The following RAP1B variants were observed in gnomAD, a reference collection of about 807,000 sequenced individuals.
RAP1B encodes the protein ras-related protein Rap-1b.
Under a neutral mutation model 27.5 loss-of-function variants are expected in RAP1B, and 1 was observed. That is an observed-to-expected ratio of 0.04 (90% CI 0.01 to 0.17). The LOEUF (loss-of-function observed/expected upper bound fraction) is 0.17. RAP1B is among the 10% of genes least tolerant of loss of function. The pLI is 1.00. For missense variants in RAP1B, 84 were observed against 214.8 expected (o/e 0.39, Z 3.81); for synonymous variants, 75 against 73.1 (o/e 1.03, Z -0.13).
At chr12:68,617,180 C>T (rs189295957) in intron 1 of RAP1B, among the ~76,000 whole-genome samples, 142 of 152,256 alleles carry the variant, frequency 9.3e-4, no homozygotes, top group African/African-American at 3.3e-3. Context: ...GAAAGGGTAT[C>T]AATAAAATAA....
In RAP1B at chr12:68,662,933, G is replaced by A. The variant is rs1266565919; in HGVS notation, c.*3684G>A. On this transcript the variant is annotated 3_prime_UTR_variant, in exon 8 of 8. Transcript: ENST00000250559. ...TTGATCCCAGGAGATCAAGGATACAGTGAACTGTGTTCGCGCCACTGCACC... is the reference window on the plus strand; with the variant it reads ...TTGATCCCAGGAGATCAAGGATACAATGAACTGTGTTCGCGCCACTGCACC... 2.0e-5 allele frequency: 3 copies of A among 152,078 alleles called. No individual in the cohort carries two copies. Among genetic ancestry groups the A allele is most frequent in the African/African-American group, 7.2e-5 (3 of 41,382 alleles). The allele number at this position is 152,078 out of a possible 1,614,324, so 9.4% of individuals were successfully genotyped here. A position where few individuals can be genotyped will look rare whatever the true frequency, so the allele number is the denominator to read the frequency against.
At chr12:68,651,949 T>A in intron 3 of RAP1B, 46 bp from the exon 4 acceptor site, 1 of 1,500,508 alleles carries the variant, frequency 6.7e-7, no homozygotes, top group Non-Finnish European at 9.3e-7. Flanking sequence ...TAAGGTAGTT[T>A]TATGTACATT....
chr12:68,637,532 G>C (rs563966338), intron 1 of RAP1B, among the ~76,000 whole-genome samples: 51 of 145,066 alleles, frequency 3.5e-4, no homozygotes, highest in African/African-American at 1.3e-3. Context: ...GGGAGGCTGA[G>C]GTTGCAGTGA....
intron 3 of RAP1B, 52 bp from the exon 4 acceptor site, chr12:68,651,943 G>A: frequency 1.4e-6 from 2 of 1,401,260 alleles, no homozygotes; most frequent in Admixed American, 1.7e-5. Context: ...GTATATTAAG[G>A]TAGTTTTATG....
intron 1 of RAP1B, among the ~76,000 whole-genome samples, chr12:68,634,808 T>G (rs562768207): frequency 2.0e-5 from 3 of 152,318 alleles, no homozygotes; most frequent in African/African-American, 7.2e-5. Context: ...AAAGCTAACC[T>G]TACGTTGCAT....
rs1005102650 is a variant in RAP1B at position 68,669,188 on chromosome 12, A to G, written c.*9939A>G. The G allele has an allele frequency of 3.9e-4, 60 of 152,340 alleles. No individual in the cohort carries two copies. The highest frequency in any genetic ancestry group is 1.3e-3 in the African/African-American group (55 of 41,580). The allele number at this position is 152,340 out of a possible 1,614,324, so 9.4% of individuals were successfully genotyped here. ...AGTTGATATAGTAAACACGACAGAT[A>G]AAAACTAAATGCCTTAAGGTATAAG... On this transcript the variant is annotated 3_prime_UTR_variant, in exon 8 of 8. Transcript: ENST00000250559.
At chr12:68,632,110 T>G (rs1241746453) in intron 1 of RAP1B, among the ~76,000 whole-genome samples, 2 of 150,742 alleles carry the variant, frequency 1.3e-5, no homozygotes, top group East Asian at 1.9e-4. Context: ...AAGGAAACAG[T>G]TTTTTGGGTT....
intron 4 of RAP1B, 137 bp from the exon 5 acceptor site, chr12:68,653,975 T>C: frequency 1.3e-6 from 1 of 774,538 alleles, no homozygotes; most frequent in Non-Finnish European, 2.0e-6. Flanking sequence ...AATAGTATCT[T>C]GTCATAGATT....
rs1874550938 is a variant in RAP1B at position 68,660,757 on chromosome 12, A to G, written c.*1508A>G. On this transcript the variant is annotated 3_prime_UTR_variant, in exon 8 of 8. Coordinates refer to ENST00000250559, the MANE Select transcript of RAP1B (RefSeq NM_001010942.3). ...ACTTTTCCTTGAGAAATAATTTTGT[A>G]AATCAAGCAGTATTACTTACGAATA... The G allele has an allele frequency of 6.6e-6, 1 of 152,204 alleles. No individual in the cohort carries two copies. The highest frequency in any genetic ancestry group is 2.4e-5 in the African/African-American group (1 of 41,460). 9.4% of individuals were successfully genotyped at this position (152,204 alleles called of 1,614,324 possible).
intron 1 of RAP1B, chr12:68,624,550 A>C (rs1738164748): frequency 6.6e-6 from 1 of 152,232 alleles, no homozygotes; most frequent in South Asian, 2.1e-4. Context: ...GCACTTTGGG[A>C]GGCCAAGGCA....
rs1165029376 is a variant in RAP1B, at chr12:68,659,773, AAC to A, written c.*528_*529del. On this transcript the variant is annotated 3_prime_UTR_variant, in exon 8 of 8. Coordinates refer to ENST00000250559, the MANE Select transcript of RAP1B (RefSeq NM_001010942.3). ...ATTGTACAAAATAAGCGCTTTGATT[AAC>A]ACAGCTATATAGTTTTTTTAATTTT... is the stretch of plus-strand genomic sequence containing the variant. The A allele has an allele frequency of 6.6e-6, 1 of 152,610 alleles. No individual in the cohort carries two copies. The highest frequency in any genetic ancestry group is 1.5e-5 in the Non-Finnish European group (1 of 68,078). The allele number at this position is 152,610 out of a possible 1,614,324, so 9.5% of individuals were successfully genotyped here.
intron 1 of RAP1B, among the ~76,000 whole-genome samples, chr12:68,614,680 G>T (rs1286122954): frequency 6.6e-6 from 1 of 152,198 alleles, no homozygotes; most frequent in African/African-American, 2.4e-5. Context: ...AAATTGAATT[G>T]AATTTTAGAA....
chr12:68,650,303 G>T, intron 2 of RAP1B, 97 bp from the exon 3 acceptor site: 25 of 1,055,158 alleles, frequency 2.4e-5, no homozygotes, highest in Admixed American at 4.2e-5. Flanking sequence ...TTTCATTGAT[G>T]GTGTAACTCC....
chr12:68,662,008 C>CTATATATATATATATATATA lies in RAP1B; in HGVS notation c.*2765_*2784dup, dbSNP rs63676662. 72 of 133,874 alleles carry CTATATATATATATATATATA rather than the reference C, an allele frequency of 5.4e-4. No individual in the cohort carries two copies. The highest frequency in any genetic ancestry group is 9.3e-4 in the Non-Finnish European group (59 of 63,372). The allele number at this position is 133,874 out of a possible 1,614,324, so 8.3% of individuals were successfully genotyped here. A position where few individuals can be genotyped will look rare whatever the true frequency, so the allele number is the denominator to read the frequency against. On this transcript the variant is annotated 3_prime_UTR_variant, in exon 8 of 8. Coordinates refer to ENST00000250559, the MANE Select transcript of RAP1B (RefSeq NM_001010942.3). ...TGAATGCCAGTGCTATCCTCTAGGT[C>CTATATATATATATATATATA]TATATATATATATATATATATATAT...
chr12:68,644,760 C>T (rs1873278396), intron 1 of RAP1B, among the ~76,000 whole-genome samples: 1 of 135,250 alleles, frequency 7.4e-6, no homozygotes, highest in African/African-American at 2.8e-5. Flanking sequence ...GCGATCTGGG[C>T]TCACTGCAAC....
chr12:68,626,629 A>G (rs1399394826), intron 1 of RAP1B, among the ~76,000 whole-genome samples: 1 of 152,102 alleles, frequency 6.6e-6, no homozygotes. Flanking sequence ...GGAATAGCAG[A>G]CACCCTTTTC....
chr12:68,619,378 A>C (rs1018884083), intron 1 of RAP1B, among the ~76,000 whole-genome samples: 2 of 152,216 alleles, frequency 1.3e-5, no homozygotes, highest in African/African-American at 4.8e-5. Context: ...GTATATAATG[A>C]AATCTGTCAT....
intron 1 of RAP1B, among the ~76,000 whole-genome samples, chr12:68,618,307 C>T (rs1160676488): frequency 2.0e-5 from 3 of 151,518 alleles, no homozygotes; most frequent in Non-Finnish European, 4.4e-5. Context: ...CCAGGCTGGT[C>T]TCGAACTCCT....
intron 7 of RAP1B, 144 bp downstream of exon 7, chr12:68,657,361 T>C: frequency 1.9e-6 from 1 of 527,904 alleles, no homozygotes; most frequent in East Asian, 3.2e-5. Context: ...GTTAGTATGC[T>C]ATCTTATTAA....
Sources: gnomAD v4.1 joint callset for allele counts (sites outside exome capture counted in the v4.1 genomes callset) on GRCh38, gnomAD v4.1.1 for gene constraint, MANE v1.5 for transcripts, NCBI Gene and HGNC (gene_info 2026-07-23, HGNC 2026-07-21) for gene names.